RFX8: variants seen among roughly 807,000 people sequenced by gnomAD.
RFX8 encodes regulatory factor X8.
RFX8 carries 46 observed loss-of-function variants against 54.6 expected under a neutral mutation model. The ratio of observed to expected loss-of-function variants is 0.84; its 90% CI spans 0.67 to 1.08. The LOEUF is 1.08. Ranked by LOEUF, RFX8 falls within the 50% of genes least tolerant of loss-of-function variation. The probability of loss-of-function intolerance (pLI) is 0.00; values close to 1 mark genes in which losing one functional copy is unlikely to be tolerated. For missense variants in RFX8, 536 were observed against 562.3 expected, an observed-to-expected ratio of 0.95 and a Z score of 0.47; for synonymous variants, 192 against 209.5, an observed-to-expected ratio of 0.92 and a Z score of 0.72.
intron 1 of RFX8, among the ~76,000 whole-genome samples, chr2:101,469,758 C>G (rs1454348488): frequency 6.6e-6 from 1 of 152,102 alleles, no homozygotes; most frequent in Non-Finnish European, 1.5e-5. Context: ...CTCCCAATTT[C>G]AAAATGATAC....
At position 101,405,825 on chromosome 2, in the gene RFX8, T is replaced by C. The variant is rs1176692118; in HGVS notation, c.928+118A>G. The stretch of plus-strand genomic sequence containing the variant: ...GGTTTGCTGTATCTATGTTATATTT[T>C]ACATAGAAAGGTTAAAAGAAGACGG... On this transcript the variant is annotated intron_variant, in intron 10 of 11. Coordinates refer to ENST00000428343, the MANE Select transcript of RFX8 (RefSeq NM_001145664.2). The C allele has an allele frequency of 3.7e-5, 21 of 566,508 alleles. No homozygotes were observed. The East Asian group carries it at 6.4e-4, about 17-fold the overall frequency. 35.1% of individuals were successfully genotyped at this position (566,508 alleles called of 1,614,324 possible).
At chr2:101,471,935 T>G (rs1690019422) in intron 1 of RFX8, among the ~76,000 whole-genome samples, 1 of 152,202 alleles carries the variant, frequency 6.6e-6, no homozygotes, top group Non-Finnish European at 1.5e-5. Context: ...CCCTGGTCTT[T>G]CACTCAGACA....
intron 2 of RFX8, among the ~76,000 whole-genome samples, chr2:101,456,501 T>G (rs960916940): frequency 2.0e-5 from 3 of 152,222 alleles, no homozygotes; most frequent in Non-Finnish European, 4.4e-5. Flanking sequence ...TCTGTTTATG[T>G]GATGGGTTAC....
chr2:101,397,497 T>C lies in RFX8; in HGVS notation c.*51A>G. 1 of 1,253,422 alleles carries C rather than the reference T, an allele frequency of 8.0e-7. No individual in the cohort carries two copies. The highest frequency in any genetic ancestry group is 1.1e-6 in the Non-Finnish European group (1 of 919,050). 77.6% of individuals were successfully genotyped at this position (1,253,422 alleles called of 1,614,324 possible). A position where few individuals can be genotyped will look rare whatever the true frequency, so the allele number is the denominator to read the frequency against. The stretch of plus-strand genomic sequence containing the variant: ...AGAAAAACTTTAGTATTTAATATTT[T>C]TAAGAATGCAAGTCTATCAGTTTTC... On this transcript the variant is annotated 3_prime_UTR_variant, in exon 12 of 12. Coordinates refer to ENST00000428343, the MANE Select transcript of RFX8 (RefSeq NM_001145664.2).
Position 101,466,904 on chromosome 2 carries a change from G to C in RFX8, c.-52-4C>G. On this transcript the variant is annotated splice_polypyrimidine_tract_variant and splice_region_variant and intron_variant, in intron 1 of 11. Coordinates refer to ENST00000428343, the MANE Select transcript of RFX8 (RefSeq NM_001145664.2). ...AATGCAGAAGTTGTCGACCAACCTGGAGGAGAGGAGGACAAGGAGGAGGAA... is the reference window on the plus strand; with the variant it reads ...AATGCAGAAGTTGTCGACCAACCTGCAGGAGAGGAGGACAAGGAGGAGGAA... The C allele has an allele frequency of 7.9e-7, 1 of 1,260,854 alleles. No individual in the cohort carries two copies. The highest frequency in any genetic ancestry group is 1.3e-5 in the South Asian group (1 of 78,072). The allele number at this position is 1,260,854 out of a possible 1,614,324, so 78.1% of individuals were successfully genotyped here.
chr2:101,422,641 A>T (rs1686932785), intron 2 of RFX8, among the ~76,000 whole-genome samples, 169 bp from the exon 3 acceptor site: 1 of 152,206 alleles, frequency 6.6e-6, no homozygotes, highest in African/African-American at 2.4e-5. Context: ...TTGTATTCCA[A>T]ATGCTGCTAA....
intron 2 of RFX8, among the ~76,000 whole-genome samples, chr2:101,451,362 C>T (rs184841409): frequency 5.3e-5 from 8 of 152,206 alleles, no homozygotes; most frequent in African/African-American, 1.9e-4. Context: ...ACAAGGCACT[C>T]GATAATACTG....
rs115052770 is a variant in RFX8, at chr2:101,427,435, C to T, written c.73-4963G>A. ...CTGGCTTTGAAGATGGGGTGGAGGC[C>T]GTGAGCCAAGGAATGGGAGGGACCT... On this transcript the variant is annotated intron_variant, in intron 2 of 11. Coordinates refer to ENST00000428343, the MANE Select transcript of RFX8 (RefSeq NM_001145664.2). Among the ~76,000 whole-genome samples the T allele has an allele frequency of 7.5e-3, 1,148 of 152,092 alleles. 9 individuals carry two copies. Among genetic ancestry groups the T allele is most frequent in the Non-Finnish European group, 0.014 (926 of 67,994 alleles).
chr2:101,421,448 T>G, intron 4 of RFX8: 2 of 1,131,548 alleles, frequency 1.8e-6, no homozygotes, highest in South Asian at 8.2e-5. Context: ...TGAGCAGAAT[T>G]AGGATCTAAA....
At chr2:101,416,230 C>T (rs1195950101) in intron 6 of RFX8, among the ~76,000 whole-genome samples, 2 of 152,112 alleles carry the variant, frequency 1.3e-5, no homozygotes, top group Non-Finnish European at 2.9e-5. Context: ...ACTAGGAAAC[C>T]GCTGAAGTAG....
chr2:101,424,258 C>A (rs1390024395), intron 2 of RFX8, among the ~76,000 whole-genome samples: 2 of 152,082 alleles, frequency 1.3e-5, no homozygotes, highest in Non-Finnish European at 2.9e-5. Context: ...CCAACAGACA[C>A]ATGAAAAAAT....
intron 2 of RFX8, among the ~76,000 whole-genome samples, chr2:101,466,411 A>T (rs1235476194): frequency 6.6e-6 from 1 of 152,070 alleles, no homozygotes; most frequent in Non-Finnish European, 1.5e-5. Flanking sequence ...GTCTGACATC[A>T]CAAAGTGGCT....
At chr2:101,404,359 C>G (rs1293267460) in intron 10 of RFX8, among the ~76,000 whole-genome samples, 3 of 152,218 alleles carry the variant, frequency 2.0e-5, no homozygotes, top group Non-Finnish European at 4.4e-5. Flanking sequence ...GTTCAAACTA[C>G]TGGTGTGAAT....
chr2:101,437,235 T>C (rs1381797611), intron 2 of RFX8, among the ~76,000 whole-genome samples: 1 of 149,416 alleles, frequency 6.7e-6, no homozygotes, highest in African/African-American at 2.5e-5. Context: ...AGCCCAGGAG[T>C]TGCCCAGCCT....
intron 8 of RFX8, among the ~76,000 whole-genome samples, chr2:101,412,256 C>T (rs1317361108): frequency 2.0e-5 from 3 of 152,204 alleles, no homozygotes; most frequent in Admixed American, 2.0e-4. Flanking sequence ...CTCCCAGGTC[C>T]TCCCTGAGTC....
chr2:101,432,647 C>A (rs2104616734), intron 2 of RFX8, among the ~76,000 whole-genome samples: 1 of 152,296 alleles, frequency 6.6e-6, no homozygotes, highest in East Asian at 1.9e-4. Context: ...GCGTCATTTC[C>A]AGAGTGTGGC....
At position 101,422,379 on chromosome 2, in the gene RFX8, T is replaced by C; in HGVS notation, c.166A>G (p.Lys56Glu). ...AAACCTACCATATTACAGGAGTATT[T>C]CTTTGCCTGTTCTTGCTCCAGAAAT... is the stretch of plus-strand genomic sequence containing the variant. ...CPFLEQEQAK[K>E]YSCNMMAFLA... Residue 56 changes from lysine (K) to glutamate (E), a missense_variant, in exon 3 of 12, where the codon AAA becomes GAA. Transcript: ENST00000428343. 6.5e-7 allele frequency: 1 copy of C among 1,528,918 alleles called. No individual in the cohort carries two copies. The highest frequency in any genetic ancestry group is 2.5e-5 in the East Asian group (1 of 40,804). The allele number at this position is 1,528,918 out of a possible 1,614,324, so 94.7% of individuals were successfully genotyped here.
chr2:101,412,786 C>T (rs1686216340), intron 8 of RFX8, 129 bp downstream of exon 8: 1 of 927,328 alleles, frequency 1.1e-6, no homozygotes, highest in Non-Finnish European at 1.6e-6. Context: ...GAAGTGTGAG[C>T]AGACAACTTA....
At chr2:101,423,174 C>T (rs1307987177) in intron 2 of RFX8, among the ~76,000 whole-genome samples, 3 of 150,830 alleles carry the variant, frequency 2.0e-5, no homozygotes, top group South Asian at 2.1e-4. Context: ...GGGAGAATTG[C>T]TTGAGCCCGG....
Sources: gnomAD v4.1 joint callset for allele counts (sites outside exome capture counted in the v4.1 genomes callset) on GRCh38, gnomAD v4.1.1 for gene constraint, MANE v1.5 for transcripts, NCBI Gene and HGNC (gene_info 2026-07-23, HGNC 2026-07-21) for gene names.